FSTL5: variants seen among roughly 807,000 people sequenced by gnomAD.
The protein encoded by FSTL5 is follistatin like 5.
FSTL5 carries 62 observed loss-of-function variants against 89.1 expected under a neutral mutation model. That is an observed-to-expected ratio of 0.70 (90% CI 0.57 to 0.86). The LOEUF (loss-of-function observed/expected upper bound fraction) is 0.86. Ranked by LOEUF, FSTL5 falls within the 40% of genes least tolerant of loss-of-function variation. The pLI, the probability that FSTL5 is intolerant of heterozygous loss-of-function variation, is 0.00. For missense variants in FSTL5, 1,057 were observed against 1,001.6 expected (o/e 1.06, Z -0.75); for synonymous variants, 383 against 346.2 (o/e 1.11, Z -1.18).
chr4:161,820,612 G>A (rs531729458), intron 4 of FSTL5, among the ~76,000 whole-genome samples: 16 of 152,132 alleles, frequency 1.1e-4, no homozygotes, highest in East Asian at 3.9e-4. Flanking sequence ...GTAGTGATGC[G>A]TGAAAATTGA....
chr4:161,866,570 C>G (rs968207565), intron 4 of FSTL5, among the ~76,000 whole-genome samples: 1 of 150,426 alleles, frequency 6.6e-6, no homozygotes, highest in Non-Finnish European at 1.5e-5. Context: ...AGTATCAACT[C>G]TTTAAGATAG....
chr4:161,759,516 C>T lies in FSTL5; in HGVS notation c.622G>A (p.Glu208Lys), dbSNP rs1740707930. ...NELTQVIKQE[E>K]LGKDLFDCTL... The stretch of plus-strand genomic sequence containing the variant: ...CAATCAAAGAGATCCTTGCCAAGTT[C>T]TTCCTGTTTTATCACCTAACAAGAA... Residue 208 changes from glutamate (E) to lysine (K), a missense_variant, in exon 6 of 16, where the codon GAA (glutamate) becomes AAA (lysine). Coordinates refer to ENST00000306100, the MANE Select transcript of FSTL5 (RefSeq NM_020116.5). 5.8e-6 allele frequency: 9 copies of T among 1,558,584 alleles called. No homozygotes were observed. In the Admixed American group the frequency reaches 1.3e-4, roughly 23 times the overall value.
chr4:162,027,591 TA>T (rs1341297944), intron 3 of FSTL5, among the ~76,000 whole-genome samples: 1 of 152,134 alleles, frequency 6.6e-6, no homozygotes, highest in East Asian at 1.9e-4. Context: ...ATTTTTTAAA[TA>T]GTAAAGATCA....
chr4:161,978,878 C>T (rs1735738275), intron 3 of FSTL5, among the ~76,000 whole-genome samples: 1 of 152,080 alleles, frequency 6.6e-6, no homozygotes, highest in Non-Finnish European at 1.5e-5. Context: ...AGACACATAA[C>T]ATCAGGTTTT....
chr4:162,146,087 T>C (rs1377379345), intron 1 of FSTL5, among the ~76,000 whole-genome samples: 1 of 152,144 alleles, frequency 6.6e-6, no homozygotes, highest in African/African-American at 2.4e-5. Flanking sequence ...TAATTTCTTA[T>C]TTATATGCAT....
chr4:161,486,870 A>ATTGT (rs1277287258), intron 12 of FSTL5, among the ~76,000 whole-genome samples: 1 of 152,150 alleles, frequency 6.6e-6, no homozygotes, highest in Non-Finnish European at 1.5e-5. Context: ...TTTTATATCC[A>ATTGT]TTGTTTATCA....
intron 4 of FSTL5, among the ~76,000 whole-genome samples, chr4:161,785,105 C>A (rs1303294455): frequency 1.3e-5 from 2 of 152,024 alleles, no homozygotes; most frequent in East Asian, 3.9e-4. Flanking sequence ...ACACAATAGA[C>A]CCAATAATAG....
At chr4:161,932,018 G>A (rs889604202) in intron 3 of FSTL5, among the ~76,000 whole-genome samples, 18 of 151,814 alleles carry the variant, frequency 1.2e-4, no homozygotes, top group Non-Finnish European at 2.1e-4. Flanking sequence ...GTAAGGTTAC[G>A]GGACTATTTA....
intron 12 of FSTL5, among the ~76,000 whole-genome samples, chr4:161,493,596 G>C: frequency 6.6e-6 from 1 of 151,932 alleles, no homozygotes; most frequent in East Asian, 1.9e-4. Context: ...TAAATCTCAA[G>C]TAAAATGTTT....
rs145098477 is a variant in FSTL5, at chr4:161,812,771, T to C, written c.410-36697A>G. 9.8e-4 allele frequency among the ~76,000 whole-genome samples: 147 copies of C among 149,338 alleles called. 1 individual carries two copies. The highest frequency in any genetic ancestry group is 3.4e-3 in the African/African-American group (141 of 40,884). ...TATTAGCTCAGTGTTTGTTATTCCT[T>C]ATGCCGCCCATTCTGAGACCTTGAT... On this transcript the variant is annotated intron_variant, in intron 4 of 15. Transcript: ENST00000306100.
intron 3 of FSTL5, among the ~76,000 whole-genome samples, chr4:161,980,815 C>T (rs1735807345): frequency 8.0e-6 from 1 of 125,644 alleles, no homozygotes; most frequent in Non-Finnish European, 1.6e-5. Context: ...CTCACTCTGT[C>T]ACCCAGGCTG....
chr4:161,585,323 C>T (rs917625937), intron 8 of FSTL5, among the ~76,000 whole-genome samples: 2 of 152,152 alleles, frequency 1.3e-5, no homozygotes, highest in African/African-American at 2.4e-5. Flanking sequence ...CACACTTTAC[C>T]ACGCATCACA....
chr4:161,947,594 AT>A (rs1734771056), intron 3 of FSTL5, among the ~76,000 whole-genome samples: 1 of 152,054 alleles, frequency 6.6e-6, no homozygotes, highest in African/African-American at 2.4e-5. Context: ...ATAAATATCT[AT>A]TTTTTAATTA....
intron 15 of FSTL5, among the ~76,000 whole-genome samples, chr4:161,415,691 AAGAG>A (rs904772507): frequency 1.4e-4 from 20 of 147,678 alleles, no homozygotes; most frequent in Non-Finnish European, 2.1e-4. Flanking sequence ...AAGAGAGAGA[AAGAG>A]AGAGAGAGAG....
intron 11 of FSTL5, among the ~76,000 whole-genome samples, chr4:161,509,942 C>T (rs751567838): frequency 1.1e-4 from 16 of 152,236 alleles, no homozygotes; most frequent in Non-Finnish European, 2.4e-4. Flanking sequence ...ATAAGAAGAT[C>T]GTGCAGGGTA....
intron 1 of FSTL5, among the ~76,000 whole-genome samples, chr4:162,145,802 C>T (rs1193606874): frequency 1.3e-5 from 2 of 152,100 alleles, no homozygotes; most frequent in South Asian, 2.1e-4. Context: ...TTCTACCAAA[C>T]TTTAGGAAGT....
At chr4:162,049,128 G>A (rs1462686853) in intron 2 of FSTL5, among the ~76,000 whole-genome samples, 1 of 152,114 alleles carries the variant, frequency 6.6e-6, no homozygotes, top group Non-Finnish European at 1.5e-5. Context: ...CAAGTAAAGA[G>A]ATTATCACAA....
chr4:161,985,917 T>C (rs1191342397), intron 3 of FSTL5, among the ~76,000 whole-genome samples: 1 of 152,156 alleles, frequency 6.6e-6, no homozygotes, highest in Non-Finnish European at 1.5e-5. Context: ...GAGTCCTCTA[T>C]GGAACTACTT....
Position 161,500,267 on chromosome 4 carries a change from T to A in FSTL5, c.1340-133A>T, listed in dbSNP as rs549864439. 8.5e-6 allele frequency: 5 copies of A among 585,200 alleles called. No individual in the cohort carries two copies. The Admixed American group carries it at 1.6e-4, about 19-fold the overall frequency. 36.3% of individuals were successfully genotyped at this position (585,200 alleles called of 1,614,324 possible). ...TGTGTAATGTTAATAAAGCAAACCA[T>A]ATGGGACCCTTACTGTATACTCGCA... On this transcript the variant is annotated intron_variant, in intron 11 of 15. Transcript: ENST00000306100.
Sources: allele counts gnomAD v4.1 joint callset (sites outside exome capture counted in the v4.1 genomes callset), GRCh38; gene constraint gnomAD v4.1.1; transcripts MANE v1.5; gene names NCBI Gene and HGNC (gene_info 2026-07-23, HGNC 2026-07-21).